The following MYO18B variants were observed in gnomAD, a reference collection of about 807,000 sequenced individuals.
The protein encoded by MYO18B is unconventional myosin-XVIIIb.
In MYO18B, 204 loss-of-function variants were observed where a neutral mutation model predicts 273.0. The ratio of observed to expected loss-of-function variants is 0.75; its 90% CI spans 0.67 to 0.84. The LOEUF (loss-of-function observed/expected upper bound fraction) is 0.84. Ranked by LOEUF, MYO18B falls within the 40% of genes least tolerant of loss-of-function variation. The pLI is 0.00. For synonymous variants in MYO18B, 1,330 were observed against 1,305.7 expected (o/e 1.02, Z -0.40); for missense variants, 3,212 against 3,287.6 (o/e 0.98, Z 0.56).
In MYO18B at chr22:25,770,044, C is replaced by A. The variant is rs133903; in HGVS notation, c.1513-66C>A. On this transcript the variant is annotated intron_variant, in intron 4 of 43. Transcript: ENST00000335473. ...TCCAGAGCACACTGTGAGAAACCCC[C>A]GTGTAAGGTAGAAGATGGGCAGCGG... 662,565 of 1,507,752 alleles carry A rather than the reference C, an allele frequency of 0.44. 155,065 individuals are homozygous for A. The highest frequency in any genetic ancestry group is 0.85 in the East Asian group (37,763 of 44,360). 93.4% of individuals were successfully genotyped at this position (1,507,752 alleles called of 1,614,324 possible).
intron 33 of MYO18B, among the ~76,000 whole-genome samples, chr22:25,917,545 GGTGTGTGTGTGTGTGT>G (rs3070569): frequency 7.0e-6 from 1 of 142,152 alleles, no homozygotes; most frequent in African/African-American, 2.6e-5. Context: ...GCTTTGTAGG[GGTGTGTGTGTGTGTGT>G]GTGTGTGTGT....
the MYO18B span, among the ~76,000 whole-genome samples, chr22:26,047,960 T>A: frequency 6.6e-6 from 1 of 152,184 alleles, no homozygotes; most frequent in Non-Finnish European, 1.5e-5. Flanking sequence ...CTGATCCTTC[T>A]CTTTTGCTGT....
intron 43 of MYO18B, among the ~76,000 whole-genome samples, chr22:26,029,749 A>G (rs1172279121): frequency 6.6e-6 from 1 of 152,188 alleles, no homozygotes; most frequent in Admixed American, 6.5e-5. Context: ...CCCTGTAACT[A>G]GCCATTGGAC....
intron 34 of MYO18B, among the ~76,000 whole-genome samples, chr22:25,944,974 C>G (rs1291520901): frequency 6.6e-6 from 1 of 151,914 alleles, no homozygotes; most frequent in Non-Finnish European, 1.5e-5. Context: ...GGGCCACGTA[C>G]ATAAGTAATT....
chr22:25,865,737 T>G (rs958285913), intron 21 of MYO18B, among the ~76,000 whole-genome samples: 3 of 152,320 alleles, frequency 2.0e-5, no homozygotes, highest in Non-Finnish European at 4.4e-5. Flanking sequence ...GATCATGATT[T>G]TTTTTCCCCC....
At position 26,004,232 on chromosome 22, in the gene MYO18B, G is replaced by A. The variant is rs570235820; in HGVS notation, c.6333-486G>A. On this transcript the variant is annotated intron_variant, in intron 41 of 43. Transcript: ENST00000335473. ...ACCTGTGACGACCCCCTCTCTTTCT[G>A]TGCCGCTTTCAGAATCAGGGGACAT... 7.3e-5 allele frequency among the ~76,000 whole-genome samples: 11 copies of A among 150,792 alleles called. No homozygotes were observed. The East Asian group carries it at 2.1e-3, about 29-fold the overall frequency.
chr22:25,928,401 T>TCA (rs1478213370), intron 34 of MYO18B, among the ~76,000 whole-genome samples: 1 of 61,358 alleles, frequency 1.6e-5, no homozygotes, highest in African/African-American at 8.2e-5. Context: ...AGACCCGGCC[T>TCA]CAAAAAAAAA....
chr22:25,840,155 C>G (rs1199742293), intron 17 of MYO18B, among the ~76,000 whole-genome samples: 1 of 152,200 alleles, frequency 6.6e-6, no homozygotes, highest in Non-Finnish European at 1.5e-5. Context: ...TCCCCACAAC[C>G]CTGGGCGCTC....
intron 39 of MYO18B, among the ~76,000 whole-genome samples, chr22:25,979,701 T>G (rs1237829559): frequency 1.3e-5 from 2 of 152,172 alleles, no homozygotes; most frequent in African/African-American, 4.8e-5. Context: ...TAAGGAACTT[T>G]AGAGAGATTT....
intron 11 of MYO18B, among the ~76,000 whole-genome samples, chr22:25,787,185 A>G (rs987570492): frequency 6.0e-4 from 92 of 152,192 alleles, no homozygotes; most frequent in African/African-American, 1.9e-3. Context: ...ACTGCACTCC[A>G]GCGTGGGAGA....
chr22:26,024,012 C>T (rs1036035717), intron 42 of MYO18B, among the ~76,000 whole-genome samples: 3 of 152,144 alleles, frequency 2.0e-5, no homozygotes, highest in East Asian at 1.9e-4. Context: ...TCTGGGCAAA[C>T]GTGTGGCTTT....
intron 11 of MYO18B, among the ~76,000 whole-genome samples, chr22:25,790,423 T>C (rs2087611331): frequency 6.6e-6 from 1 of 152,240 alleles, no homozygotes; most frequent in African/African-American, 2.4e-5. Context: ...AACCTCCGTC[T>C]AAGGAGATGT....
chr22:25,826,396 T>C lies in MYO18B; in HGVS notation c.2696-13T>C, dbSNP rs761110864. 6 of 1,606,288 alleles carry C rather than the reference T, an allele frequency of 3.7e-6. No individual in the cohort carries two copies. In the Admixed American group the frequency reaches 1.0e-4, roughly 27 times the overall value. On this transcript the variant is annotated splice_polypyrimidine_tract_variant and intron_variant, in intron 13 of 43. Transcript: ENST00000335473. Reference sequence around the variant, plus strand: ...TCCCTAACCAAGAATGCTGATTCTGTCCTCTTTCCCAGGGCTCAAGATGAC... The same window carrying C: ...TCCCTAACCAAGAATGCTGATTCTGCCCTCTTTCCCAGGGCTCAAGATGAC...
chr22:25,755,501 C>T (rs1023197361), intron 1 of MYO18B, among the ~76,000 whole-genome samples: 2 of 152,180 alleles, frequency 1.3e-5, no homozygotes, highest in African/African-American at 4.8e-5. Flanking sequence ...CCACCGCGCC[C>T]AGCCACTTTC....
intron 39 of MYO18B, among the ~76,000 whole-genome samples, chr22:25,986,001 C>T (rs1057238143): frequency 1.2e-4 from 18 of 152,226 alleles, no homozygotes; most frequent in African/African-American, 1.7e-4. Context: ...AAGTGACCCT[C>T]GGACAATTTG....
intron 21 of MYO18B, among the ~76,000 whole-genome samples, chr22:25,866,552 T>A (rs2090892402): frequency 6.6e-6 from 1 of 151,994 alleles, no homozygotes; most frequent in Non-Finnish European, 1.5e-5. Flanking sequence ...TATAGAACAG[T>A]ACTATAGGCT....
intron 11 of MYO18B, among the ~76,000 whole-genome samples, chr22:25,787,811 G>A (rs2087467297): frequency 6.6e-6 from 1 of 152,080 alleles, no homozygotes; most frequent in Admixed American, 6.6e-5. Context: ...GTGATCTGGG[G>A]TCATGAGGAG....
At chr22:25,763,618 C>T (rs1249737441) in intron 3 of MYO18B, among the ~76,000 whole-genome samples, 2 of 152,212 alleles carry the variant, frequency 1.3e-5, no homozygotes, top group Non-Finnish European at 2.9e-5. Context: ...CTGAATCCTG[C>T]TGCACCTTCT....
chr22:25,826,750 G>A (rs117216498), intron 14 of MYO18B, among the ~76,000 whole-genome samples: 2 of 152,274 alleles, frequency 1.3e-5, no homozygotes, highest in Non-Finnish European at 2.9e-5. Context: ...AGGATTAAAA[G>A]AAATAATGAA....
Sources: gnomAD v4.1 joint callset for allele counts (sites outside exome capture counted in the v4.1 genomes callset) on GRCh38, gnomAD v4.1.1 for gene constraint, MANE v1.5 for transcripts, NCBI Gene and HGNC (gene_info 2026-07-23, HGNC 2026-07-21) for gene names.